EYA4: variants seen among roughly 807,000 people sequenced by gnomAD.
EYA4 encodes the protein protein phosphatase EYA4.
Under a neutral mutation model 87.9 loss-of-function variants are expected in EYA4, and 31 were observed. The observed-to-expected ratio is 0.35, with a 90% CI of 0.27 to 0.48. The LOEUF (loss-of-function observed/expected upper bound fraction) is 0.48. Ranked by LOEUF, EYA4 falls within the 20% of genes least tolerant of loss-of-function variation. The probability of loss-of-function intolerance (pLI) is 0.99; values close to 1 mark genes in which losing one functional copy is unlikely to be tolerated. For missense variants in EYA4, 678 were observed against 761.4 expected (o/e 0.89, Z 1.29); for synonymous variants, 263 against 270.6 (o/e 0.97, Z 0.28).
At chr6:133,490,822 A>G (rs758202194) in intron 13 of EYA4, among the ~76,000 whole-genome samples, 7 of 152,162 alleles carry the variant, frequency 4.6e-5, no homozygotes, top group Non-Finnish European at 1.0e-4. Flanking sequence ...CAACAAAGAA[A>G]CACTGGACTT....
chr6:133,247,858 G>A (rs1774542073), intron 1 of EYA4: 2 of 151,938 alleles, frequency 1.3e-5, no homozygotes, highest in African/African-American at 4.8e-5. Flanking sequence ...TATGGAAACT[G>A]CTGCAAAAAA....
intron 3 of EYA4, among the ~76,000 whole-genome samples, chr6:133,409,009 T>C (rs75966950): frequency 0.055 from 8,342 of 152,270 alleles, 682 homozygotes; most frequent in African/African-American, 0.17. Flanking sequence ...CTGGATTTTA[T>C]TATGAGTGAA....
At chr6:133,300,660 G>C (rs1298232336) in intron 2 of EYA4, among the ~76,000 whole-genome samples, 1 of 152,046 alleles carries the variant, frequency 6.6e-6, no homozygotes, top group African/African-American at 2.4e-5. Flanking sequence ...GACTACAGGC[G>C]TGTGCTACCA....
chr6:133,513,383 TTCTC>T (rs1221874265), intron 16 of EYA4, among the ~76,000 whole-genome samples: 1 of 152,188 alleles, frequency 6.6e-6, no homozygotes, highest in African/African-American at 2.4e-5. Context: ...AAGAAGTCCT[TTCTC>T]AAGTAGAGAG....
At chr6:133,322,360 G>C (rs1230495719) in intron 2 of EYA4, among the ~76,000 whole-genome samples, 1 of 152,148 alleles carries the variant, frequency 6.6e-6, no homozygotes, top group African/African-American at 2.4e-5. Context: ...GAATATTTAT[G>C]ATTCAATATC....
intron 3 of EYA4, among the ~76,000 whole-genome samples, chr6:133,415,379 G>GC (rs1789622802): frequency 1.3e-5 from 2 of 152,052 alleles, no homozygotes; most frequent in East Asian, 1.9e-4. Flanking sequence ...ATGCAGCCTA[G>GC]CCCCCCATGA....
chr6:133,274,500 C>A (rs1011868029), intron 1 of EYA4, among the ~76,000 whole-genome samples: 2 of 152,086 alleles, frequency 1.3e-5, no homozygotes, highest in Non-Finnish European at 2.9e-5. Context: ...CTGTAGAATT[C>A]CTGACTAGCT....
At chr6:133,519,620 AG>A (rs1358953779) in intron 17 of EYA4, among the ~76,000 whole-genome samples, 2 of 151,398 alleles carry the variant, frequency 1.3e-5, no homozygotes, top group East Asian at 1.9e-4. Flanking sequence ...ATAGAAAAAG[AG>A]GGAATCCTCT....
intron 10 of EYA4, 73 bp downstream of exon 10, chr6:133,464,931 A>G (rs757132308): frequency 2.2e-6 from 2 of 904,350 alleles, no homozygotes; most frequent in Non-Finnish European, 3.7e-6. Context: ...AGGTTGCCAT[A>G]TATGTGCATA....
chr6:133,421,875 T>A (rs1471691772), intron 3 of EYA4, among the ~76,000 whole-genome samples: 1 of 152,196 alleles, frequency 6.6e-6, no homozygotes, highest in Non-Finnish European at 1.5e-5. Context: ...CAGCCTAAAT[T>A]ACTTGTGTTA....
rs935223041 is a variant in EYA4, at chr6:133,531,125, C to T, written c.*2320C>T. 2.5e-5 allele frequency: 38 copies of T among 1,520,754 alleles called. No homozygotes were observed. The highest frequency in any genetic ancestry group is 2.8e-5 in the Non-Finnish European group (32 of 1,138,444). 94.2% of individuals were successfully genotyped at this position (1,520,754 alleles called of 1,614,324 possible). Reference sequence around the variant, plus strand: ...TCTGTGGGTGCAGAAAGAAACACCCCTTGGAAGGGCAAAGAGAAGCCGGCT... The same window carrying T: ...TCTGTGGGTGCAGAAAGAAACACCCTTTGGAAGGGCAAAGAGAAGCCGGCT... On this transcript the variant is annotated 3_prime_UTR_variant, in exon 20 of 20. Transcript: ENST00000355286.
chr6:133,320,429 A>G (rs1276906346), intron 2 of EYA4, among the ~76,000 whole-genome samples: 2 of 151,954 alleles, frequency 1.3e-5, no homozygotes, highest in African/African-American at 2.4e-5. Context: ...TTTAAATGCA[A>G]TGTACTTACT....
intron 11 of EYA4, among the ~76,000 whole-genome samples, chr6:133,475,682 G>A (rs1011852262): frequency 6.6e-6 from 1 of 152,068 alleles, no homozygotes; most frequent in African/African-American, 2.4e-5. Context: ...CCCTACCTGT[G>A]GCATTGCTAT....
chr6:133,364,700 G>A (rs1784724201), intron 2 of EYA4, among the ~76,000 whole-genome samples: 1 of 152,236 alleles, frequency 6.6e-6, no homozygotes, highest in Admixed American at 6.5e-5. Context: ...GTCAAAGCCA[G>A]TGGTGCACCT....
rs1360994347 is a variant in EYA4, at chr6:133,365,510, C to CACTTACATTAAATGTAAGTAATTTTATT, written c.34-16872_34-16845dup. Among the ~76,000 whole-genome samples the CACTTACATTAAATGTAAGTAATTTTATT allele has an allele frequency of 1.1e-4, 17 of 151,974 alleles. No homozygotes were observed. The South Asian group carries it at 1.2e-3, about 11-fold the overall frequency. On this transcript the variant is annotated intron_variant, in intron 2 of 19. Coordinates refer to ENST00000355286, the MANE Select transcript of EYA4 (RefSeq NM_004100.5). ...TTACATTTCCCAAGAGGAGGGGGGGCACTTACATTAAATGTAAGTAATTTT... is the reference window on the plus strand; with the variant it reads ...TTACATTTCCCAAGAGGAGGGGGGGCACTTACATTAAATGTAAGTAATTTTATTACTTACATTAAATGTAAGTAATTTT...
At chr6:133,325,660 G>A (rs1387838899) in intron 2 of EYA4, among the ~76,000 whole-genome samples, 1 of 152,116 alleles carries the variant, frequency 6.6e-6, no homozygotes, top group Non-Finnish European at 1.5e-5. Context: ...GCACTTTCAT[G>A]TATAAATCTG....
intron 2 of EYA4, among the ~76,000 whole-genome samples, chr6:133,332,711 A>ATTTTT (rs71003634): frequency 0.057 from 7,105 of 123,794 alleles, 205 homozygotes; most frequent in Non-Finnish European, 0.078. Flanking sequence ...GCCCAGCTAA[A>ATTTTT]TTTTTTTTTT....
At chr6:133,418,034 T>C (rs921380604) in intron 3 of EYA4, among the ~76,000 whole-genome samples, 1 of 152,232 alleles carries the variant, frequency 6.6e-6, no homozygotes, top group African/African-American at 2.4e-5. Context: ...CTTTTCCAGA[T>C]TTAAGTTGCC....
At chr6:133,430,581 C>G (rs1791098523) in intron 3 of EYA4, among the ~76,000 whole-genome samples, 1 of 152,076 alleles carries the variant, frequency 6.6e-6, no homozygotes. Flanking sequence ...ATTCTTTATA[C>G]TGGAGAAATT....
Sources: gnomAD v4.1 joint callset for allele counts (sites outside exome capture counted in the v4.1 genomes callset) on GRCh38, gnomAD v4.1.1 for gene constraint, MANE v1.5 for transcripts, NCBI Gene and HGNC (gene_info 2026-07-23, HGNC 2026-07-21) for gene names.